The following AFF3 variants were observed in gnomAD, a reference collection of about 807,000 sequenced individuals.
AFF3 encodes the protein ALF transcription elongation factor 3.
In AFF3, 32 loss-of-function variants were observed where a neutral mutation model predicts 129.7. The observed-to-expected ratio is 0.25, with a 90% confidence interval of 0.19 to 0.33. The LOEUF is 0.33. AFF3 is among the 10% of genes least tolerant of loss of function. The probability of loss-of-function intolerance (pLI) is 1.00; values close to 1 mark genes in which losing one functional copy is unlikely to be tolerated. For missense variants in AFF3, 1,373 were observed against 1,592.0 expected (o/e 0.86, Z 2.34); for synonymous variants, 644 against 635.4 (o/e 1.01, Z -0.20).
chr2:99,952,412 C>T (rs1186903433), intron 7 of AFF3, among the ~76,000 whole-genome samples: 1 of 152,046 alleles, frequency 6.6e-6, no homozygotes, highest in Non-Finnish European at 1.5e-5. Flanking sequence ...TACACATTAC[C>T]CAGTCTCAGG....
chr2:99,942,667 G>A lies in AFF3; in HGVS notation c.873+63965C>T, dbSNP rs148356398. Among the ~76,000 whole-genome samples, 1,180 of 152,094 alleles carry A rather than the reference G, an allele frequency of 7.8e-3. 21 individuals are homozygous for A. Among genetic ancestry groups the A allele is most frequent in the African/African-American group, 0.027 (1,112 of 41,492 alleles). On this transcript the variant is annotated intron_variant, in intron 7 of 24. Coordinates refer to ENST00000672756, the MANE Select transcript of AFF3 (RefSeq NM_001386135.1). ...GGAATAGGTCAGATAGAATGTTAGAGGGTGGTGCTCATGGCTCAGAGAGGA... is the reference window on the plus strand; with the variant it reads ...GGAATAGGTCAGATAGAATGTTAGAAGGTGGTGCTCATGGCTCAGAGAGGA...
At chr2:100,064,580 T>A (rs1360719547) in intron 4 of AFF3, among the ~76,000 whole-genome samples, 1 of 152,232 alleles carries the variant, frequency 6.6e-6, no homozygotes, top group African/African-American at 2.4e-5. Context: ...TGAGTTAGCC[T>A]TCCTCAACAA....
intron 4 of AFF3, among the ~76,000 whole-genome samples, chr2:100,067,685 CTCGGTAGCCCATATTT>C (rs1687840287): frequency 6.6e-6 from 1 of 152,138 alleles, no homozygotes; most frequent in African/African-American, 2.4e-5. Flanking sequence ...TCTTAAGACT[CTCGGTAGCCCATATTT>C]TTATCATCCC....
intron 4 of AFF3, among the ~76,000 whole-genome samples, chr2:100,048,585 TTC>T (rs1345786040): frequency 6.6e-6 from 1 of 152,218 alleles, no homozygotes; most frequent in East Asian, 1.9e-4. Flanking sequence ...ATACAACAGA[TTC>T]TTTCAGTGTT....
At chr2:99,673,889 C>T (rs2104476298) in intron 11 of AFF3, among the ~76,000 whole-genome samples, 1 of 152,296 alleles carries the variant, frequency 6.6e-6, no homozygotes, top group East Asian at 1.9e-4. Flanking sequence ...CTTCACGCAC[C>T]CTGACCCCAT....
intron 12 of AFF3, among the ~76,000 whole-genome samples, chr2:99,655,708 T>C (rs990536278): frequency 6.6e-6 from 1 of 152,306 alleles, no homozygotes; most frequent in African/African-American, 2.4e-5. Flanking sequence ...CTTGCTTATA[T>C]GTTCTTTGCA....
intron 7 of AFF3, among the ~76,000 whole-genome samples, chr2:99,938,005 C>A (rs544656095): frequency 6.6e-6 from 1 of 152,148 alleles, no homozygotes; most frequent in South Asian, 2.1e-4. Flanking sequence ...AATGTGGATC[C>A]TGGCTCCATC....
chr2:99,604,966 G>A (rs1341771482), intron 13 of AFF3, among the ~76,000 whole-genome samples: 2 of 152,234 alleles, frequency 1.3e-5, no homozygotes, highest in African/African-American at 2.4e-5. Context: ...GTACAGCAGA[G>A]GCAGCAAGGT....
intron 4 of AFF3, among the ~76,000 whole-genome samples, chr2:100,079,852 C>T (rs1389624984): frequency 1.3e-5 from 2 of 152,106 alleles, no homozygotes; most frequent in Non-Finnish European, 2.9e-5. Context: ...ATAGACTCAC[C>T]ACACAAAAAG....
chr2:99,608,788 C>T (rs908018134), intron 13 of AFF3, among the ~76,000 whole-genome samples: 7 of 152,026 alleles, frequency 4.6e-5, no homozygotes, highest in Admixed American at 6.5e-5. Context: ...TATCAAATCT[C>T]CTGATTTTAA....
intron 8 of AFF3, among the ~76,000 whole-genome samples, chr2:99,819,067 C>G (rs1313464613): frequency 6.6e-6 from 1 of 152,190 alleles, no homozygotes; most frequent in Non-Finnish European, 1.5e-5. Flanking sequence ...GCCAATTTAC[C>G]TGGCGTATGC....
chr2:99,781,743 G>A (rs1249030202), intron 8 of AFF3, among the ~76,000 whole-genome samples: 1 of 152,088 alleles, frequency 6.6e-6, no homozygotes, highest in African/African-American at 2.4e-5. Context: ...TTTGCTCGAT[G>A]AATAAATGAA....
At position 99,745,521 on chromosome 2, in the gene AFF3, T is replaced by C. The variant is rs1400577159; in HGVS notation, c.1003-1381A>G. ...CCTATGTTTTCCTCCCTGATACTTA[T>C]GGTTTGGGTTCTTATACTCATGCCA... On this transcript the variant is annotated intron_variant, in intron 9 of 24. Transcript: ENST00000672756. Among the ~76,000 whole-genome samples, 4 of 152,324 alleles carry C rather than the reference T, an allele frequency of 2.6e-5. No individual in the cohort carries two copies. The East Asian group carries it at 5.8e-4, about 22-fold the overall frequency.
At chr2:100,116,262 T>G (rs1475430978) in intron 2 of AFF3, among the ~76,000 whole-genome samples, 2 of 152,164 alleles carry the variant, frequency 1.3e-5, no homozygotes, top group Non-Finnish European at 2.9e-5. Flanking sequence ...GTAAACAACA[T>G]ATAGCTCTAT....
chr2:99,635,355 T>G (rs1683556281), intron 13 of AFF3, among the ~76,000 whole-genome samples: 1 of 152,088 alleles, frequency 6.6e-6, no homozygotes, highest in African/African-American at 2.4e-5. Context: ...TGGAGTGCAG[T>G]AGCACAATCA....
intron 7 of AFF3, among the ~76,000 whole-genome samples, chr2:99,853,807 T>C (rs1384454535): frequency 6.6e-6 from 1 of 152,198 alleles, no homozygotes; most frequent in Non-Finnish European, 1.5e-5. Context: ...ATGGGCAACA[T>C]AGCAAGATCC....
intron 8 of AFF3, among the ~76,000 whole-genome samples, chr2:99,811,822 T>C (rs1686814324): frequency 6.6e-6 from 1 of 152,256 alleles, no homozygotes; most frequent in Admixed American, 6.5e-5. Flanking sequence ...AGTCACACGC[T>C]TTATGTCTGC....
At chr2:99,821,702 G>A (rs1399232083) in intron 8 of AFF3, among the ~76,000 whole-genome samples, 4 of 152,128 alleles carry the variant, frequency 2.6e-5, no homozygotes, top group Admixed American at 6.6e-5. Context: ...GCTTTTATCC[G>A]ACTGGAAGCA....
intron 8 of AFF3, among the ~76,000 whole-genome samples, chr2:99,814,479 G>A (rs1687057248): frequency 6.6e-6 from 1 of 152,190 alleles, no homozygotes. Flanking sequence ...GGGGAAGATT[G>A]AAAGGGAGGC....
Sources: allele counts gnomAD v4.1 joint callset (sites outside exome capture counted in the v4.1 genomes callset), GRCh38; gene constraint gnomAD v4.1.1; transcripts MANE v1.5; gene names NCBI Gene and HGNC (gene_info 2026-07-23, HGNC 2026-07-21).